Variants in USH2A observed in about 807,000 individuals in gnomAD.
USH2A encodes Usher syndrome 2A (autosomal recessive, mild).
USH2A carries 443 observed loss-of-function variants against 538.9 expected under a neutral mutation model. That is an observed-to-expected ratio of 0.82 (90% confidence interval 0.76 to 0.89). The LOEUF (loss-of-function observed/expected upper bound fraction) is 0.89, where lower values mean the gene tolerates loss of function less well. Ranked by LOEUF, USH2A falls within the 40% of genes least tolerant of loss-of-function variation. USH2A has a pLI of 0.00. For synonymous variants in USH2A, 2,413 were observed against 2,273.5 expected (o/e 1.06, Z -1.75); for missense variants, 6,633 against 6,324.8 (o/e 1.05, Z -1.65).
At chr1:215,990,473 G>A (rs372082691) in intron 35 of USH2A, among the ~76,000 whole-genome samples, 5 of 152,292 alleles carry the variant, frequency 3.3e-5, no homozygotes, top group African/African-American at 7.2e-5. Context: ...AGAACATTGT[G>A]TTAGGCTCTG....
intron 50 of USH2A, among the ~76,000 whole-genome samples, chr1:215,793,892 T>C (rs941295264): frequency 1.3e-5 from 2 of 152,192 alleles, no homozygotes; most frequent in Admixed American, 6.5e-5. Flanking sequence ...CTGTCCTCTT[T>C]GAATGAAACG....
chr1:215,930,057 C>T (rs578126150), intron 38 of USH2A, among the ~76,000 whole-genome samples: 1 of 152,012 alleles, frequency 6.6e-6, no homozygotes, highest in East Asian at 1.9e-4. Flanking sequence ...TTTTCTCAAG[C>T]CTAGTATTTT....
rs1659878347 is a variant in USH2A, at chr1:215,728,043, G to A, written c.12053C>T (p.Ala4018Val). The change falls in exon 61 of 72, where the codon GCT (alanine) becomes GTT (valine). Residue 4018 changes from alanine to valine, a missense_variant. Coordinates refer to ENST00000307340, the MANE Select transcript of USH2A (RefSeq NM_206933.4). ...AAAGGGTCTTACCTTCACTGTGAAA[G>A]CATGCACGGTAGGGCTGTTAAATGT... ...DPTFNSPTVHAFTVKGTSHQA... is the reference protein window; with the variant it reads ...DPTFNSPTVHVFTVKGTSHQA... 6.2e-7 allele frequency: 1 copy of A among 1,614,156 alleles called. No homozygotes were observed. Among genetic ancestry groups the A allele is most frequent in the Non-Finnish European group, 8.5e-7 (1 of 1,180,038 alleles).
chr1:216,151,126 C>A (rs2102619983), intron 21 of USH2A, among the ~76,000 whole-genome samples: 1 of 152,244 alleles, frequency 6.6e-6, no homozygotes, highest in South Asian at 2.1e-4. Context: ...TCAACGTTTT[C>A]TCATACACCA....
chr1:216,221,531 C>T (rs1558326012), intron 14 of USH2A, among the ~76,000 whole-genome samples: 1 of 152,166 alleles, frequency 6.6e-6, no homozygotes, highest in Non-Finnish European at 1.5e-5. Context: ...ATTTACATGG[C>T]TTATTGAACA....
chr1:216,331,583 AT>A (rs2037863828), intron 4 of USH2A, among the ~76,000 whole-genome samples: 1 of 152,144 alleles, frequency 6.6e-6, no homozygotes, highest in Admixed American at 6.6e-5. Context: ...TGCAGATAGC[AT>A]AATTATCTAC....
At chr1:215,761,272 A>G (rs1463661771) in intron 56 of USH2A, among the ~76,000 whole-genome samples, 1 of 152,206 alleles carries the variant, frequency 6.6e-6, no homozygotes, top group East Asian at 1.9e-4. Flanking sequence ...TTGTGTAACT[A>G]TCACCTTATT....
chr1:215,662,568 G>A (rs1025034844), intron 64 of USH2A, among the ~76,000 whole-genome samples: 3 of 152,206 alleles, frequency 2.0e-5, no homozygotes, highest in African/African-American at 7.2e-5. Flanking sequence ...TCTCCCGTGG[G>A]AACAAAAGGC....
intron 3 of USH2A, among the ~76,000 whole-genome samples, chr1:216,400,327 A>G (rs1353325885): frequency 6.6e-6 from 1 of 151,758 alleles, no homozygotes; most frequent in Middle Eastern, 3.2e-3. Context: ...TAACAGGAAG[A>G]TGACAGGATT....
chr1:216,074,913 T>A (rs2031697868), intron 27 of USH2A, among the ~76,000 whole-genome samples: 1 of 152,044 alleles, frequency 6.6e-6, no homozygotes, highest in African/African-American at 2.4e-5. Flanking sequence ...ATGAAAAGAG[T>A]TCTTCAGAGG....
rs182723420 is a variant in USH2A at position 216,323,727 on chromosome 1, A to C, written c.1329-32T>G. On this transcript the variant is annotated intron_variant, in intron 7 of 71. Transcript: ENST00000307340. Reference sequence around the variant, plus strand: ...ATGAAAGAAATTCGATGTCATGAAAATCTATTCACATTTTTGGCAAAACAG... The same window carrying C: ...ATGAAAGAAATTCGATGTCATGAAACTCTATTCACATTTTTGGCAAAACAG... 1,039 of 1,606,478 alleles carry C rather than the reference A, an allele frequency of 6.5e-4. 6 individuals are homozygous for C. Among genetic ancestry groups the C allele is most frequent in the Non-Finnish European group, 2.3e-5 (27 of 1,173,750 alleles).
chr1:215,718,346 T>A (rs575792125), intron 61 of USH2A, among the ~76,000 whole-genome samples: 2 of 152,352 alleles, frequency 1.3e-5, no homozygotes, highest in East Asian at 3.9e-4. Flanking sequence ...TTCAGTAATT[T>A]AAAAATCACA....
At chr1:215,723,580 C>A (rs1393404665) in intron 61 of USH2A, among the ~76,000 whole-genome samples, 2 of 152,176 alleles carry the variant, frequency 1.3e-5, no homozygotes, top group Non-Finnish European at 2.9e-5. Flanking sequence ...GTACCTCTTG[C>A]GAGTTTGTGG....
At chr1:216,181,180 G>A (rs1208065992) in intron 20 of USH2A, among the ~76,000 whole-genome samples, 1 of 152,124 alleles carries the variant, frequency 6.6e-6, no homozygotes, top group Non-Finnish European at 1.5e-5. Flanking sequence ...GGCTCTTTAA[G>A]ACCCTGATTA....
chr1:215,971,427 C>T (rs569378842), intron 35 of USH2A, among the ~76,000 whole-genome samples: 1 of 151,896 alleles, frequency 6.6e-6, no homozygotes, highest in East Asian at 1.9e-4. Context: ...GGACATAGAC[C>T]CCCTTAGTAA....
chr1:215,984,034 T>C (rs1015524576), intron 35 of USH2A, among the ~76,000 whole-genome samples: 2 of 152,306 alleles, frequency 1.3e-5, no homozygotes, highest in South Asian at 2.1e-4. Flanking sequence ...TGAGACTCCA[T>C]GCTCCTCTCA....
intron 29 of USH2A, among the ~76,000 whole-genome samples, chr1:216,071,239 A>G (rs2031547738): frequency 6.6e-6 from 1 of 152,178 alleles, no homozygotes; most frequent in South Asian, 2.1e-4. Context: ...TTTACTGTCC[A>G]GACCAATAAA....
At chr1:215,983,616 C>T (rs1261138712) in intron 35 of USH2A, among the ~76,000 whole-genome samples, 2 of 151,994 alleles carry the variant, frequency 1.3e-5, no homozygotes, top group African/African-American at 4.8e-5. Context: ...CACTACCCCC[C>T]CATCAAAAAA....
At chr1:216,345,611 G>C (rs2038160109) in intron 4 of USH2A, among the ~76,000 whole-genome samples, 1 of 152,092 alleles carries the variant, frequency 6.6e-6, no homozygotes, top group Admixed American at 6.6e-5. Flanking sequence ...ATGTGAAAAA[G>C]GATTTGTGAG....
Sources: allele counts gnomAD v4.1 joint callset (sites outside exome capture counted in the v4.1 genomes callset), GRCh38; gene constraint gnomAD v4.1.1; transcripts MANE v1.5; gene names NCBI Gene and HGNC (gene_info 2026-07-23, HGNC 2026-07-21).